The following KIAA1328 variants were observed in gnomAD, a reference collection of about 807,000 sequenced individuals.
KIAA1328 encodes the protein KIAA1328, also known as protein hinderin.
In KIAA1328, 52 loss-of-function variants were observed where a neutral mutation model predicts 68.1. The observed-to-expected ratio is 0.76, with a 90% CI of 0.61 to 0.96. The LOEUF is 0.96. Among genes scored for constraint, KIAA1328 ranks in the 40% least tolerant of loss-of-function variants. The pLI is 0.00. For synonymous variants in KIAA1328, 232 were observed against 239.4 expected, an observed-to-expected ratio of 0.97 and a Z score of 0.28; for missense variants, 641 against 677.6, an observed-to-expected ratio of 0.95 and a Z score of 0.60.
downstream of KIAA1328, chr18:37,230,491 T>A (rs2060659616): frequency 6.6e-6 from 1 of 152,242 alleles, no homozygotes; most frequent in Non-Finnish European, 1.5e-5. Context: ...TTTACTTTTC[T>A]GATTTCTCCT....
At chr18:37,182,561 T>G (rs1362866121) in intron 9 of KIAA1328, among the ~76,000 whole-genome samples, 1 of 152,168 alleles carries the variant, frequency 6.6e-6, no homozygotes, top group African/African-American at 2.4e-5. Flanking sequence ...GTTGTCATTA[T>G]AGAACTTCCC....
intron 7 of KIAA1328, among the ~76,000 whole-genome samples, chr18:37,095,411 GTCAA>G (rs1477721252): frequency 6.6e-6 from 1 of 152,042 alleles, no homozygotes; most frequent in African/African-American, 2.4e-5. Context: ...AAGACTAGAA[GTCAA>G]TAACAAGAGG....
intron 6 of KIAA1328, 57 bp downstream of exon 6, chr18:36,959,492 G>A: frequency 1.3e-6 from 2 of 1,543,734 alleles, no homozygotes; most frequent in Non-Finnish European, 1.7e-6. Flanking sequence ...GATGTCAGAA[G>A]AGCCATTTGT....
At chr18:37,220,400 C>T (rs748578490) in intron 9 of KIAA1328, among the ~76,000 whole-genome samples, 1 of 152,216 alleles carries the variant, frequency 6.6e-6, no homozygotes, top group African/African-American at 2.4e-5. Context: ...ATAATTGGTT[C>T]ATTAGAAATT....
chr18:37,160,263 A>C lies in KIAA1328; in HGVS notation c.1296A>C (p.Gln432His). The C allele has an allele frequency of 6.2e-7, 1 of 1,613,692 alleles. No individual in the cohort carries two copies. Residue 432 changes from glutamine (Q) to histidine (H), a missense_variant, in exon 8 of 10, where the codon CAA becomes CAC. Physicochemically the swap from Gln to His is conservative, Grantham distance 24. Transcript: ENST00000280020. Reference protein sequence around the residue: ...LGTSSSIKKHQDPPNSGENRK... With the variant: ...LGTSSSIKKHHDPPNSGENRK... Reference sequence around the variant, plus strand: ...CATCATCATCTATTAAAAAGCACCAAGACCCCCCAAACAGTGGAGAGAATA... The same window carrying C: ...CATCATCATCTATTAAAAAGCACCACGACCCCCCAAACAGTGGAGAGAATA...
intron 6 of KIAA1328, among the ~76,000 whole-genome samples, chr18:37,006,901 C>T (rs1400169894): frequency 6.6e-6 from 1 of 152,148 alleles, no homozygotes; most frequent in Non-Finnish European, 1.5e-5. Context: ...GTTGCTTATG[C>T]AGTTTTTGTT....
At chr18:37,183,638 A>C (rs375255820) in intron 9 of KIAA1328, among the ~76,000 whole-genome samples, 19 of 152,220 alleles carry the variant, frequency 1.2e-4, no homozygotes, top group African/African-American at 4.1e-4. Context: ...GTATATCAAT[A>C]AGCCTGCAGT....
In KIAA1328 at chr18:36,987,351, G is replaced by A. The variant is rs1415007940; in HGVS notation, c.576+27916G>A. Among the ~76,000 whole-genome samples, 122 of 146,578 alleles carry A rather than the reference G, an allele frequency of 8.3e-4. 1 individual carries two copies. The highest frequency in any genetic ancestry group is 1.6e-3 in the Non-Finnish European group (106 of 66,488). ...GGACTGTGGTGGGGTCGGGGGATGG[G>A]GGAGGGGTAGCATTGGGAGATATAC... On this transcript the variant is annotated intron_variant, in intron 6 of 9. Transcript: ENST00000280020.
intron 7 of KIAA1328, among the ~76,000 whole-genome samples, chr18:37,092,732 C>T (rs1224075785): frequency 6.6e-6 from 1 of 152,176 alleles, no homozygotes; most frequent in Non-Finnish European, 1.5e-5. Context: ...CCATCACTGA[C>T]ACCAGTGGCT....
intron 7 of KIAA1328, among the ~76,000 whole-genome samples, chr18:37,142,640 A>C (rs2058794336): frequency 1.3e-5 from 2 of 150,814 alleles, no homozygotes; most frequent in African/African-American, 2.4e-5. Context: ...CACACACCCC[A>C]CACACACAGA....
At chr18:37,157,807 CAA>C (rs542590805) in intron 7 of KIAA1328, among the ~76,000 whole-genome samples, 6 of 55,400 alleles carry the variant, frequency 1.1e-4, no homozygotes, top group East Asian at 5.7e-4. Context: ...GACTCCTCTC[CAA>C]AAAAAAAAAA....
intron 2 of KIAA1328, 42 bp from the exon 3 acceptor site, chr18:36,835,192 A>C: frequency 6.3e-7 from 1 of 1,585,370 alleles, no homozygotes; most frequent in Non-Finnish European, 8.6e-7. Flanking sequence ...GTTTAAGATA[A>C]TAAGGTATAA....
At chr18:37,140,323 A>G (rs1393276755) in intron 7 of KIAA1328, among the ~76,000 whole-genome samples, 1 of 152,194 alleles carries the variant, frequency 6.6e-6, no homozygotes, top group Non-Finnish European at 1.5e-5. Context: ...AGACTACAAC[A>G]GCATTTCCAT....
chr18:36,854,775 T>G (rs1004415108), intron 4 of KIAA1328, among the ~76,000 whole-genome samples: 7 of 152,178 alleles, frequency 4.6e-5, no homozygotes, highest in Non-Finnish European at 1.0e-4. Flanking sequence ...GAGAACATTT[T>G]CATCCCTCCA....
chr18:36,942,464 T>G (rs556093834), intron 5 of KIAA1328, among the ~76,000 whole-genome samples: 59 of 151,964 alleles, frequency 3.9e-4, no homozygotes, highest in Admixed American at 3.5e-3. Flanking sequence ...GTAGGGGGAG[T>G]AGTAGGTTCA....
chr18:36,892,096 G>A (rs1490693255), intron 5 of KIAA1328, among the ~76,000 whole-genome samples: 2 of 151,688 alleles, frequency 1.3e-5, no homozygotes, highest in Non-Finnish European at 2.9e-5. Flanking sequence ...CCCTGCATAG[G>A]AGCCAGACTA....
chr18:37,030,476 G>A (rs949706401), intron 6 of KIAA1328, among the ~76,000 whole-genome samples: 2 of 151,980 alleles, frequency 1.3e-5, no homozygotes, highest in African/African-American at 4.8e-5. Flanking sequence ...TTTCTGTAAT[G>A]TATTTCTAAT....
intron 6 of KIAA1328, among the ~76,000 whole-genome samples, chr18:37,025,883 C>A (rs1355639994): frequency 6.6e-6 from 1 of 151,910 alleles, no homozygotes; most frequent in East Asian, 1.9e-4. Context: ...CAGAGCAGAA[C>A]TGAAGGAAAT....
At chr18:37,010,021 A>G (rs990964820) in intron 6 of KIAA1328, among the ~76,000 whole-genome samples, 5 of 152,202 alleles carry the variant, frequency 3.3e-5, no homozygotes, top group African/African-American at 1.2e-4. Context: ...ACTAAGGAAA[A>G]GCTTACCATG....
Sources: gnomAD v4.1 joint callset for allele counts (sites outside exome capture counted in the v4.1 genomes callset) on GRCh38, gnomAD v4.1.1 for gene constraint, MANE v1.5 for transcripts, NCBI Gene and HGNC (gene_info 2026-07-23, HGNC 2026-07-21) for gene names.